The following HHLA1 variants were observed in gnomAD, a reference collection of about 807,000 sequenced individuals.
HHLA1 encodes HHLA1 neighbor of OC90.
Under a neutral mutation model 69.9 loss-of-function variants are expected in HHLA1, and 72 were observed. The observed-to-expected ratio is 1.03, with a 90% CI of 0.85 to 1.25. The LOEUF (loss-of-function observed/expected upper bound fraction) is 1.25. HHLA1 is among the 50% of genes most tolerant of loss of function. The probability of loss-of-function intolerance (pLI) is 0.00; values close to 1 mark genes in which losing one functional copy is unlikely to be tolerated. For missense variants in HHLA1, 685 were observed against 642.2 expected (o/e 1.07, Z -0.72); for synonymous variants, 252 against 233.2 (o/e 1.08, Z -0.73).
intron 10 of HHLA1, among the ~76,000 whole-genome samples, chr8:132,081,546 A>G (rs1164782272): frequency 6.6e-6 from 1 of 152,206 alleles, no homozygotes; most frequent in Admixed American, 6.5e-5. Context: ...TGATTTGACT[A>G]ATAAAGGCTC....
At chr8:132,088,275 G>A (rs1055939358) in intron 8 of HHLA1, among the ~76,000 whole-genome samples, 1 of 152,188 alleles carries the variant, frequency 6.6e-6, no homozygotes, top group Non-Finnish European at 1.5e-5. Context: ...CCACATCTCT[G>A]TAAGACAACA....
intron 10 of HHLA1, among the ~76,000 whole-genome samples, chr8:132,084,238 G>T (rs1247082540): frequency 6.6e-6 from 1 of 152,048 alleles, no homozygotes; most frequent in Non-Finnish European, 1.5e-5. Context: ...AGATTATAGG[G>T]TGGAGGAGCG....
intron 13 of HHLA1, 132 bp downstream of exon 13, chr8:132,076,343 A>G (rs540488469): frequency 2.7e-6 from 2 of 730,656 alleles, no homozygotes; most frequent in South Asian, 1.9e-5. Flanking sequence ...CTTTTCCTGC[A>G]GGAAACAATA....
chr8:132,100,133 C>T lies in HHLA1; in HGVS notation c.141G>A (p.Val47=), dbSNP rs1343471804. Residue 47 remains valine, a splice_region_variant and synonymous_variant, in exon 4 of 17, where the codon GTG becomes GTA. Transcript: ENST00000414222. ...EKGMTFLPTT[V]SGLREEERKE... is the part of the protein sequence containing the mutation. ...TCCTCTCTTCTTCTCTAAGGCCAGA[C>T]ACTGGGAAGGAGACAGTTTTCATGA... The T allele has an allele frequency of 2.6e-5, 41 of 1,549,868 alleles. No homozygotes were observed. The highest frequency in any genetic ancestry group is 4.1e-5 in the African/African-American group (3 of 72,976).
At chr8:132,083,343 C>A (rs968370019) in intron 10 of HHLA1, among the ~76,000 whole-genome samples, 2 of 151,920 alleles carry the variant, frequency 1.3e-5, no homozygotes, top group Non-Finnish European at 2.9e-5. Flanking sequence ...GTTATGGAGG[C>A]AAGGGAAACA....
In HHLA1 at chr8:132,063,162, C is replaced by T. The variant is rs759367083; in HGVS notation, c.*833G>A. On this transcript the variant is annotated 3_prime_UTR_variant, in exon 17 of 17. Coordinates refer to ENST00000414222, the MANE Select transcript of HHLA1 (RefSeq NM_001145095.3). ...ATTAGATGCTGACTGTGCAACCCCA[C>T]TGGAAGCTTGTGCCTGGGCTCTCTT... is the stretch of plus-strand genomic sequence containing the variant. The T allele has an allele frequency of 1.3e-5, 2 of 152,250 alleles. No individual in the cohort carries two copies. Among genetic ancestry groups the T allele is most frequent in the Non-Finnish European group, 2.9e-5 (2 of 68,056 alleles). The allele number at this position is 152,250 out of a possible 1,614,324, so 9.4% of individuals were successfully genotyped here. A position where few individuals can be genotyped will look rare whatever the true frequency, so the allele number is the denominator to read the frequency against.
chr8:132,084,107 C>T (rs1807242486), intron 10 of HHLA1, among the ~76,000 whole-genome samples: 1 of 152,136 alleles, frequency 6.6e-6, no homozygotes, highest in Non-Finnish European at 1.5e-5. Flanking sequence ...GAGCATTAAC[C>T]TTGACTATGC....
intron 7 of HHLA1, among the ~76,000 whole-genome samples, chr8:132,090,751 CTCTCTT>C (rs1823933908): frequency 2.9e-5 from 1 of 34,872 alleles, no homozygotes; most frequent in African/African-American, 5.8e-5. Flanking sequence ...CCCTCTTTCT[CTCTCTT>C]TTTTTTTTTT....
chr8:132,080,740 G>T (rs935352396), intron 10 of HHLA1: 3 of 152,330 alleles, frequency 2.0e-5, no homozygotes, highest in Non-Finnish European at 4.4e-5. Context: ...GAAGTGTTGG[G>T]GTGGCGAAAA....
chr8:132,074,932 T>C (rs1430847124), intron 14 of HHLA1, among the ~76,000 whole-genome samples: 9 of 152,108 alleles, frequency 5.9e-5, no homozygotes. Flanking sequence ...CAGATAGATA[T>C]AGTTATACAG....
chr8:132,082,087 G>T (rs1823762390), intron 10 of HHLA1, among the ~76,000 whole-genome samples: 1 of 152,152 alleles, frequency 6.6e-6, no homozygotes, highest in Non-Finnish European at 1.5e-5. Context: ...GGCCAGGTGT[G>T]GTATCAGGAA....
intron 7 of HHLA1, among the ~76,000 whole-genome samples, chr8:132,091,273 G>T (rs1254255919): frequency 6.6e-6 from 1 of 152,208 alleles, no homozygotes; most frequent in Non-Finnish European, 1.5e-5. Context: ...CCAATAAAAT[G>T]CAACTTGGAA....
intron 10 of HHLA1, among the ~76,000 whole-genome samples, chr8:132,086,407 C>G (rs1289662236): frequency 6.6e-6 from 1 of 152,190 alleles, no homozygotes; most frequent in African/African-American, 2.4e-5. Flanking sequence ...CTACTTGGCC[C>G]ATTAACACCC....
At chr8:132,084,066 A>C (rs944992501) in intron 10 of HHLA1, among the ~76,000 whole-genome samples, 1 of 152,096 alleles carries the variant, frequency 6.6e-6, no homozygotes, top group Admixed American at 6.6e-5. Context: ...AAAAGAGCCT[A>C]AATGCTATCT....
At chr8:132,082,968 T>A (rs9802024) in intron 10 of HHLA1, among the ~76,000 whole-genome samples, 1 of 147,016 alleles carries the variant, frequency 6.8e-6, no homozygotes, top group Non-Finnish European at 1.5e-5. Context: ...AAGCGTGCTG[T>A]GGGATGGGAT....
intron 7 of HHLA1, among the ~76,000 whole-genome samples, chr8:132,090,627 C>G (rs372817737): frequency 1.3e-5 from 2 of 152,282 alleles, no homozygotes; most frequent in African/African-American, 4.8e-5. Context: ...GGTGGTCTTA[C>G]TATATCCGCA....
At chr8:132,066,738 A>G (rs765192851) in intron 15 of HHLA1, among the ~76,000 whole-genome samples, 17 of 152,236 alleles carry the variant, frequency 1.1e-4, no homozygotes, top group Non-Finnish European at 2.4e-4. Context: ...TGCTCAAGTC[A>G]AGCTGTGGTA....
intron 3 of HHLA1, chr8:132,101,368 G>C: frequency 6.9e-7 from 1 of 1,443,624 alleles, no homozygotes; most frequent in Non-Finnish European, 9.2e-7. Flanking sequence ...CCAACACTTT[G>C]AAGAATGGAT....
In HHLA1 at chr8:132,098,877, A is replaced by G. The variant is rs1364028934; in HGVS notation, c.280+5T>C. Reference sequence around the variant, plus strand: ...ACCTGGATTGTGCTTTTAAAATATGATTACCTTTTAACGCTCTACTGAGCA... The same window carrying G: ...ACCTGGATTGTGCTTTTAAAATATGGTTACCTTTTAACGCTCTACTGAGCA... On this transcript the variant is annotated splice_donor_5th_base_variant and intron_variant, in intron 5 of 16. Coordinates refer to ENST00000414222, the MANE Select transcript of HHLA1 (RefSeq NM_001145095.3). The G allele has an allele frequency of 7.1e-6, 11 of 1,540,382 alleles. No individual in the cohort carries two copies. In the East Asian group the frequency reaches 2.2e-4, roughly 31 times the overall value.
Sources: allele counts gnomAD v4.1 joint callset (sites outside exome capture counted in the v4.1 genomes callset), GRCh38; gene constraint gnomAD v4.1.1; transcripts MANE v1.5; gene names NCBI Gene and HGNC (gene_info 2026-07-23, HGNC 2026-07-21).